FHL3: variants seen among roughly 807,000 people sequenced by gnomAD.
The protein encoded by FHL3 is four and a half LIM domains protein 3.
A neutral mutation model predicts 34.3 loss-of-function variants in FHL3; 21 were observed. That is an observed-to-expected ratio of 0.61 (90% CI 0.43 to 0.88). FHL3 has a LOEUF of 0.88. Ranked by LOEUF, FHL3 falls within the 40% of genes least tolerant of loss-of-function variation. The probability of loss-of-function intolerance (pLI) is 0.00; values close to 1 mark genes in which losing one functional copy is unlikely to be tolerated. For synonymous variants in FHL3, 137 were observed against 144.6 expected (o/e 0.95, Z 0.38); for missense variants, 333 against 373.7 (o/e 0.89, Z 0.90).
In FHL3 at chr1:37,998,038, C is replaced by T. The variant is rs1213147513; in HGVS notation, c.426G>A (p.Val142=). 6.2e-7 allele frequency: 1 copy of T among 1,614,130 alleles called. No individual in the cohort carries two copies. Among genetic ancestry groups the T allele is most frequent in the South Asian group, 1.1e-5 (1 of 91,088 alleles). The change falls in exon 4 of 6, where the codon GTG becomes GTA. Residue 142 remains valine (V), a synonymous_variant. Coordinates refer to ENST00000373016, the MANE Select transcript of FHL3 (RefSeq NM_004468.5). ...CEQPLGSRSF[V]PDKGAHYCVP... is the part of the protein sequence containing the mutation. ...CGCAGTAGTGAGCACCCTTGTCGGG[C>T]ACAAAAGAACGGGAGCCCAGTGGCT...
chr1:37,999,205 C>T, intron 2 of FHL3, 52 bp downstream of exon 2: 1 of 1,613,780 alleles, frequency 6.2e-7, no homozygotes, highest in East Asian at 2.2e-5. Flanking sequence ...CATCCTTTGC[C>T]CCCTTCCACT....
chr1:38,003,222 C>T (rs1646613037), intron 1 of FHL3, among the ~76,000 whole-genome samples: 1 of 152,180 alleles, frequency 6.6e-6, no homozygotes, highest in South Asian at 2.1e-4. Context: ...CTGCCTCAGC[C>T]TCCTGAGTAG....
At chr1:37,999,582 T>A in intron 1 of FHL3, 150 bp from the exon 2 acceptor site, 1 of 692,996 alleles carries the variant, frequency 1.4e-6, no homozygotes, top group Non-Finnish European at 2.4e-6. Context: ...GGGGTGCTTC[T>A]GGGAAACCAG....
chr1:37,997,802 T>G lies in FHL3; in HGVS notation c.570A>C (p.Gly190=), dbSNP rs1377578509. ...GCTGCCCTGCCAGGGGCGTCTGGCA[T>G]CCGGTACAGACCAGACATTCTCGAT... ...PWHRECLVCT[G]CQTPLAGQQF... The change falls in exon 5 of 6, where the codon GGA becomes GGC. Residue 190 remains glycine (G), a synonymous_variant. Transcript: ENST00000373016. The surrounding 1 kb of genome is among the most constrained non-coding windows in gnomAD (Gnocchi z 4.3). 6.2e-7 allele frequency: 1 copy of G among 1,614,130 alleles called. No homozygotes were observed. The highest frequency in any genetic ancestry group is 1.1e-5 in the South Asian group (1 of 91,088).
intron 3 of FHL3, 111 bp from the exon 4 acceptor site, chr1:37,998,243 T>C (rs2148730042): frequency 1.1e-6 from 1 of 927,384 alleles, no homozygotes; most frequent in Middle Eastern, 3.2e-4. Context: ...CAGGGTGGTG[T>C]CCGTGCACAT....
At chr1:38,003,318 G>A (rs1646613939) in intron 1 of FHL3, among the ~76,000 whole-genome samples, 1 of 152,186 alleles carries the variant, frequency 6.6e-6, no homozygotes, top group Non-Finnish European at 1.5e-5. Context: ...TGCCCAGGGT[G>A]GTCTTGAACT....
At chr1:37,998,840 A>G in intron 3 of FHL3, 134 bp downstream of exon 3, 1 of 871,586 alleles carries the variant, frequency 1.1e-6, no homozygotes, top group Non-Finnish European at 1.8e-6. Context: ...CAGATCCCGT[A>G]TATACTAAAT....
Position 37,997,316 on chromosome 1 carries a change from G to T in FHL3, c.*89C>A, listed in dbSNP as rs552694816. 4 of 1,407,422 alleles carry T rather than the reference G, an allele frequency of 2.8e-6. No individual in the cohort carries two copies. Among genetic ancestry groups the T allele is most frequent in the South Asian group, 1.3e-5 (1 of 74,324 alleles). The allele number at this position is 1,407,422 out of a possible 1,614,324, so 87.2% of individuals were successfully genotyped here. ...CAGAAGGAGACCCATTTTTTTTGGCGGGGGGAGCTGAGTCCCAGAGGTGGT... is the reference window on the plus strand; with the variant it reads ...CAGAAGGAGACCCATTTTTTTTGGCTGGGGGAGCTGAGTCCCAGAGGTGGT... On this transcript the variant is annotated 3_prime_UTR_variant, in exon 6 of 6. Coordinates refer to ENST00000373016, the MANE Select transcript of FHL3 (RefSeq NM_004468.5). The surrounding 1 kb of genome is among the most constrained non-coding windows in gnomAD (Gnocchi z 4.3).
chr1:37,997,752 G>T lies in FHL3; in HGVS notation c.620C>A (p.Pro207His). The T allele has an allele frequency of 6.2e-7, 1 of 1,614,180 alleles. No individual in the cohort carries two copies. The highest frequency in any genetic ancestry group is 1.1e-5 in the South Asian group (1 of 91,088). Residue 207 changes from proline (P) to histidine (H), a missense_variant, in exon 5 of 6, where the codon CCC becomes CAC. Pro to His is a moderately conservative substitution (Grantham distance 77). Transcript: ENST00000373016. This position sits in a 1 kb window ranked among gnomAD's most constrained non-coding sequence, Gnocchi z 4.3. The stretch of plus-strand genomic sequence containing the variant: ...TTCTCCAAAACAGGCCACACAGTAG[G>T]GATCTTCATCCCGGGAGGTGAACTG... ...GQQFTSRDED[P>H]YCVACFGELF...
In FHL3 at chr1:37,997,524, G is replaced by C. The variant is rs779204510; in HGVS notation, c.724C>G (p.Arg242Gly). Residue 242 changes from arginine to glycine, a missense_variant, in exon 6 of 6, where the codon CGA (arginine) becomes GGA (glycine). Arg to Gly is a moderately radical substitution (Grantham distance 125). Transcript: ENST00000373016. This position sits in a 1 kb window ranked among gnomAD's most constrained non-coding sequence, Gnocchi z 4.3. ...GAGAAGCAGTTGTGGTGCCAGTGTCGGTCTTCAAAGGACACATACTTGCCT... is the reference window on the plus strand; with the variant it reads ...GAGAAGCAGTTGTGGTGCCAGTGTCCGTCTTCAAAGGACACATACTTGCCT... ...GGGKYVSFED[R>G]HWHHNCFSCA... 6.8e-6 allele frequency: 11 copies of C among 1,612,726 alleles called. No homozygotes were observed. In the Admixed American group the frequency reaches 1.7e-4, roughly 24 times the overall value.
intron 1 of FHL3, among the ~76,000 whole-genome samples, chr1:38,003,628 C>T: frequency 6.6e-6 from 1 of 152,214 alleles, no homozygotes; most frequent in East Asian, 1.9e-4. Context: ...ACCACAATCT[C>T]ATCAGATCTC....
chr1:38,005,211 G>C (rs1249515609), intron 1 of FHL3, 146 bp downstream of exon 1: 1 of 151,758 alleles, frequency 6.6e-6, no homozygotes, highest in Non-Finnish European at 1.5e-5. Flanking sequence ...GGCTCGGCGT[G>C]CCCCGGGCAC....
rs1178612382 is a variant in FHL3 at position 37,998,147 on chromosome 1, G to T, written c.332-15C>A. ...CTTCCGGGACCCTGTGGGGAACAGGGGTCCCATTTAGAGGTTGTGTCCCAT... is the reference window on the plus strand; with the variant it reads ...CTTCCGGGACCCTGTGGGGAACAGGTGTCCCATTTAGAGGTTGTGTCCCAT... On this transcript the variant is annotated splice_polypyrimidine_tract_variant and intron_variant, in intron 3 of 5. Coordinates refer to ENST00000373016, the MANE Select transcript of FHL3 (RefSeq NM_004468.5). The T allele has an allele frequency of 1.2e-6, 2 of 1,613,012 alleles. No individual in the cohort carries two copies. Among genetic ancestry groups the T allele is most frequent in the African/African-American group, 2.7e-5 (2 of 74,782 alleles).
rs780810952 is a variant in FHL3, at chr1:37,999,146, C to A, written c.159G>T (p.Glu53Asp). 6.8e-6 allele frequency: 11 copies of A among 1,614,172 alleles called. No homozygotes were observed. The highest frequency in any genetic ancestry group is 1.6e-4 in the Middle Eastern group (1 of 6,062). The stretch of plus-strand genomic sequence containing the variant: ...GGAAATGGCGGTCTTCATAGAACAG[C>A]TCCTGTGGGGAACACAGCAGGGGCA... ...CQQLIGHDSR[E>D]LFYEDRHFHE... Residue 53 changes from glutamate to aspartate, a missense_variant and splice_region_variant, in exon 3 of 6, where the codon GAG becomes GAT. By Grantham distance (45) the Glu-to-Asp change is conservative. Coordinates refer to ENST00000373016, the MANE Select transcript of FHL3 (RefSeq NM_004468.5).
intron 1 of FHL3, among the ~76,000 whole-genome samples, chr1:38,003,498 A>G (rs1299608602): frequency 6.6e-6 from 1 of 152,160 alleles, no homozygotes; most frequent in Non-Finnish European, 1.5e-5. Flanking sequence ...ACCAGTGGGG[A>G]AAGTGGTCGC....
At chr1:38,002,777 GT>G (rs552121718) in intron 1 of FHL3, among the ~76,000 whole-genome samples, 82 of 140,048 alleles carry the variant, frequency 5.9e-4, no homozygotes, top group East Asian at 2.9e-3. Context: ...CAGCCTTTTT[GT>G]TTTTTTTTTT....
intron 1 of FHL3, among the ~76,000 whole-genome samples, chr1:38,001,559 G>A (rs1199483602): frequency 6.6e-6 from 1 of 152,194 alleles, no homozygotes; most frequent in Non-Finnish European, 1.5e-5. Context: ...CAGAGTAAAG[G>A]GCACCAACAA....
chr1:38,001,236 C>T (rs74416722), intron 1 of FHL3, among the ~76,000 whole-genome samples: 5,681 of 152,300 alleles, frequency 0.037, 129 homozygotes, highest in Middle Eastern at 0.071. Flanking sequence ...TTTCTCAGCC[C>T]CCTTCCTGCC....
chr1:37,997,581 G>T lies in FHL3; in HGVS notation c.689-22C>A. The T allele has an allele frequency of 6.2e-7, 1 of 1,613,708 alleles. No individual in the cohort carries two copies. The highest frequency in any genetic ancestry group is 8.5e-7 in the Non-Finnish European group (1 of 1,179,798). ...AGTCCTGGAGGGAGGCTGGAAGTTAGCTATGCAGATGTGGGGATGGTCCGG... is the reference window on the plus strand; with the variant it reads ...AGTCCTGGAGGGAGGCTGGAAGTTATCTATGCAGATGTGGGGATGGTCCGG... On this transcript the variant is annotated intron_variant, in intron 5 of 5. Coordinates refer to ENST00000373016, the MANE Select transcript of FHL3 (RefSeq NM_004468.5). This position sits in a 1 kb window ranked among gnomAD's most constrained non-coding sequence, Gnocchi z 4.3.
Sources: gnomAD v4.1 joint callset for allele counts (sites outside exome capture counted in the v4.1 genomes callset) on GRCh38, gnomAD v4.1.1 for gene constraint, Gnocchi (gnomAD v3.1) non-coding constraint, MANE v1.5 for transcripts, NCBI Gene and HGNC (gene_info 2026-07-23, HGNC 2026-07-21) for gene names.